Variants in ESYT2 observed in about 807,000 individuals in gnomAD.
ESYT2 encodes the protein extended synaptotagmin-2.
In ESYT2, 54 loss-of-function variants were observed where a neutral mutation model predicts 107.2. That is an observed-to-expected ratio of 0.50 (90% CI 0.40 to 0.63). The LOEUF (loss-of-function observed/expected upper bound fraction) is 0.63. ESYT2 is among the 30% of genes least tolerant of loss of function. The pLI is 0.00. For missense variants in ESYT2, 1,020 were observed against 1,094.5 expected (o/e 0.93, Z 0.96); for synonymous variants, 491 against 434.1 (o/e 1.13, Z -1.63).
intron 13 of ESYT2, among the ~76,000 whole-genome samples, chr7:158,755,620 G>A (rs1211956721): frequency 6.6e-6 from 1 of 152,186 alleles, no homozygotes; most frequent in Non-Finnish European, 1.5e-5. Context: ...AGGATATGCT[G>A]CTGTTACTTT....
chr7:158,735,934 CA>C (rs1404791440), intron 20 of ESYT2, among the ~76,000 whole-genome samples: 1 of 152,116 alleles, frequency 6.6e-6, no homozygotes, highest in Non-Finnish European at 1.5e-5. Context: ...ATAATGTTGA[CA>C]AAACAGCAAT....
chr7:158,803,767 C>T (rs1242201126), intron 1 of ESYT2, among the ~76,000 whole-genome samples: 1 of 151,642 alleles, frequency 6.6e-6, no homozygotes, highest in Non-Finnish European at 1.5e-5. Context: ...GCGACAAACC[C>T]AAACCGCCGA....
chr7:158,773,464 G>T, intron 6 of ESYT2, 68 bp from the exon 7 acceptor site: 1 of 1,518,580 alleles, frequency 6.6e-7, no homozygotes, highest in Non-Finnish European at 9.1e-7. Context: ...GGTGCACACA[G>T]GCTTGTTTCT....
At position 158,764,767 on chromosome 7, in the gene ESYT2, G is replaced by T. The variant is rs762794309; in HGVS notation, c.1011C>A (p.Asp337Glu). The change falls in exon 9 of 23, where the codon GAC becomes GAA. Residue 337 changes from aspartate (D) to glutamate (E), a missense_variant. Transcript: ENST00000275418. ...TGCCAACTCTAATGATTCCATAGGG[G>T]TCTGACTTTCCCTTGACAAGTCCCT... The part of the protein sequence containing the change: ...YLKGLVKGKS[D>E]PYGIIRVGNQ... The T allele has an allele frequency of 6.2e-7, 1 of 1,614,144 alleles. No individual in the cohort carries two copies. The highest frequency in any genetic ancestry group is 8.5e-7 in the Non-Finnish European group (1 of 1,180,018).
At chr7:158,741,189 G>A (rs900788777) in intron 18 of ESYT2, among the ~76,000 whole-genome samples, 2 of 152,210 alleles carry the variant, frequency 1.3e-5, no homozygotes, top group African/African-American at 4.8e-5. Context: ...AGGCCCGCGG[G>A]CCAGCTCTGC....
chr7:158,759,556 T>G lies in ESYT2; in HGVS notation c.1349A>C (p.Lys450Thr), dbSNP rs142175165. 1 of 1,612,394 alleles carries G rather than the reference T, an allele frequency of 6.2e-7. No individual in the cohort carries two copies. The highest frequency in any genetic ancestry group is 1.1e-5 in the South Asian group (1 of 91,030). ...DKVLTDIKADKDQANDGLSSA... is the reference protein window; with the variant it reads ...DKVLTDIKADTDQANDGLSSA... ...GGAAAGACCATCGTTGGCTTGGTCT[T>G]TGTCAGCTTTGATGTCTGTTAGCAC... is the stretch of plus-strand genomic sequence containing the variant. Residue 450 changes from lysine to threonine, a missense_variant, in exon 13 of 23, where the codon AAA becomes ACA. Physicochemically the swap from Lys to Thr is moderately conservative, Grantham distance 78. Transcript: ENST00000275418.
intron 6 of ESYT2, among the ~76,000 whole-genome samples, chr7:158,779,428 T>C (rs1192530296): frequency 1.3e-5 from 2 of 152,072 alleles, no homozygotes; most frequent in South Asian, 2.1e-4. Context: ...ACTTTGAAAA[T>C]TACATATAAA....
At chr7:158,737,758 T>C (rs1837019100) in intron 19 of ESYT2, among the ~76,000 whole-genome samples, 1 of 152,234 alleles carries the variant, frequency 6.6e-6, no homozygotes, top group South Asian at 2.1e-4. Context: ...TTTTATCATC[T>C]TTCTAAATGG....
intron 6 of ESYT2, among the ~76,000 whole-genome samples, chr7:158,787,765 G>A (rs2129473213): frequency 6.6e-6 from 1 of 152,276 alleles, no homozygotes; most frequent in Middle Eastern, 3.4e-3. Flanking sequence ...CCCTTCTGAA[G>A]AAGTCCATGT....
intron 1 of ESYT2, among the ~76,000 whole-genome samples, chr7:158,811,382 A>G (rs1430760337): frequency 6.6e-6 from 1 of 152,226 alleles, no homozygotes; most frequent in African/African-American, 2.4e-5. Flanking sequence ...CCAGTGAGCT[A>G]TCTGGTCCTT....
chr7:158,780,864 G>T (rs949437476), intron 6 of ESYT2, among the ~76,000 whole-genome samples: 2 of 152,230 alleles, frequency 1.3e-5, no homozygotes, highest in South Asian at 4.1e-4. Flanking sequence ...TGGTGAAGGA[G>T]CAAGAGCCAG....
At chr7:158,751,446 AT>A (rs1014017793) in intron 14 of ESYT2, among the ~76,000 whole-genome samples, 4 of 152,236 alleles carry the variant, frequency 2.6e-5, no homozygotes, top group Admixed American at 6.5e-5. Context: ...ACAAAGTATA[AT>A]AAAAATATAA....
At chr7:158,750,450 CTG>C (rs761964938) in intron 14 of ESYT2, among the ~76,000 whole-genome samples, 10 of 152,062 alleles carry the variant, frequency 6.6e-5, no homozygotes, top group Non-Finnish European at 1.2e-4. Flanking sequence ...AGTTAAATAT[CTG>C]TGTTAGTGGA....
At chr7:158,751,036 TC>T (rs1316803985) in intron 14 of ESYT2, among the ~76,000 whole-genome samples, 1 of 152,264 alleles carries the variant, frequency 6.6e-6, no homozygotes, top group Non-Finnish European at 1.5e-5. Flanking sequence ...GGTCACCTGT[TC>T]CTAGAAATTG....
At chr7:158,800,353 A>G (rs1269071450) in intron 1 of ESYT2, among the ~76,000 whole-genome samples, 2 of 151,628 alleles carry the variant, frequency 1.3e-5, no homozygotes, top group African/African-American at 2.4e-5. Flanking sequence ...GGCCAAGGAT[A>G]TTTTATTTTA....
chr7:158,745,462 C>T (rs1324128568), intron 16 of ESYT2, among the ~76,000 whole-genome samples: 1 of 152,202 alleles, frequency 6.6e-6, no homozygotes, highest in African/African-American at 2.4e-5. Context: ...TAGTAAGGCC[C>T]CAGAGGGCCT....
At chr7:158,784,139 C>G (rs779801704) in intron 6 of ESYT2, among the ~76,000 whole-genome samples, 8 of 152,152 alleles carry the variant, frequency 5.3e-5, no homozygotes, top group Non-Finnish European at 1.0e-4. Context: ...CCTCTGTACC[C>G]CCTCTACTGG....
At chr7:158,764,625 C>T (rs368262190) in intron 9 of ESYT2, 52 bp downstream of exon 9, 134 of 1,572,200 alleles carry the variant, frequency 8.5e-5, no homozygotes, top group East Asian at 1.8e-4. Flanking sequence ...TTGGCCATCC[C>T]GCTCAGGGCT....
chr7:158,780,626 G>A (rs1266466388), intron 6 of ESYT2, among the ~76,000 whole-genome samples: 2 of 152,226 alleles, frequency 1.3e-5, no homozygotes, highest in Non-Finnish European at 2.9e-5. Flanking sequence ...AAGCTTGTCA[G>A]GCAACAGAGG....
Sources: allele counts gnomAD v4.1 joint callset (sites outside exome capture counted in the v4.1 genomes callset), GRCh38; gene constraint gnomAD v4.1.1; transcripts MANE v1.5; gene names NCBI Gene and HGNC (gene_info 2026-07-23, HGNC 2026-07-21).